Variants in MATN3 observed in about 807,000 individuals in gnomAD.
MATN3 encodes the protein matrilin 3.
Under a neutral mutation model 45.3 loss-of-function variants are expected in MATN3, and 48 were observed. The observed-to-expected ratio is 1.06, with a 90% CI of 0.84 to 1.35. The LOEUF (loss-of-function observed/expected upper bound fraction) is 1.35, where lower values mean the gene tolerates loss of function less well. Ranked by LOEUF, MATN3 falls within the 40% of genes most tolerant of loss-of-function variation. The pLI, the probability that MATN3 is intolerant of heterozygous loss-of-function variation, is 0.00. For synonymous variants in MATN3, 217 were observed against 245.9 expected, an observed-to-expected ratio of 0.88 and a Z score of 1.10; for missense variants, 599 against 628.0, an observed-to-expected ratio of 0.95 and a Z score of 0.49.
rs1347133575 is a variant in MATN3 at position 19,995,352 on chromosome 2, C to T, written c.1295-943G>A. Reference sequence around the variant, plus strand: ...CCTGTAATCCCAGCTACTCGGGAGACTGAGGCAGGAGGATTGCTTGAACCC... The same window carrying T: ...CCTGTAATCCCAGCTACTCGGGAGATTGAGGCAGGAGGATTGCTTGAACCC... On this transcript the variant is annotated intron_variant, in intron 6 of 7. Transcript: ENST00000407540. The surrounding 1 kb of genome is among the most constrained non-coding windows in gnomAD (Gnocchi z 4.2). Among the ~76,000 whole-genome samples the T allele has an allele frequency of 6.6e-6, 1 of 152,064 alleles. No individual in the cohort carries two copies. Among genetic ancestry groups the T allele is most frequent in the Non-Finnish European group, 1.5e-5 (1 of 68,004 alleles).
chr2:20,001,933 TAA>T lies in MATN3; in HGVS notation c.1042+20_1042+21del. The T allele has an allele frequency of 6.2e-7, 1 of 1,610,814 alleles. No individual in the cohort carries two copies. Among genetic ancestry groups the T allele is most frequent in the Non-Finnish European group, 8.5e-7 (1 of 1,178,052 alleles). On this transcript the variant is annotated intron_variant, in intron 4 of 7. Coordinates refer to ENST00000407540, the MANE Select transcript of MATN3 (RefSeq NM_002381.5). ...TAGGCAGAGAGCTAAGTAGCAATAG[TAA>T]AGACTCCTCCCTCACTTACCTGAAC...
In MATN3 at chr2:20,001,977, A is replaced by G. The variant is rs745606215; in HGVS notation, c.1020T>C (p.Asn340=). Residue 340 remains asparagine (N), a synonymous_variant, in exon 4 of 8, where the codon AAT becomes AAC. Transcript: ENST00000407540. ...TACCTGAACAAGTTTTCCTGTCTTC[A>G]TTCAAGGTATAACCTTCATAGCACT... ...HCECYEGYTL[N]EDRKTCSAQD... The G allele has an allele frequency of 5.0e-6, 8 of 1,613,644 alleles. No individual in the cohort carries two copies. The highest frequency in any genetic ancestry group is 1.7e-5 in the Admixed American group (1 of 59,996).
chr2:19,993,248 A>T, intron 7 of MATN3, 82 bp from the exon 8 acceptor site: 1 of 1,038,868 alleles, frequency 9.6e-7, no homozygotes. Flanking sequence ...CACAAGATAA[A>T]ATAATTATGT....
chr2:20,002,409 C>T (rs1264159421), intron 3 of MATN3, among the ~76,000 whole-genome samples: 1 of 152,166 alleles, frequency 6.6e-6, no homozygotes, highest in Non-Finnish European at 1.5e-5. Flanking sequence ...ATTCCCATTC[C>T]TCATTGACTC....
At chr2:20,003,072 C>G in intron 3 of MATN3, 89 bp downstream of exon 3, 1 of 1,499,100 alleles carries the variant, frequency 6.7e-7, no homozygotes, top group South Asian at 1.3e-5. Flanking sequence ...AAAAAGGGGT[C>G]AGAGAGTCAA....
At position 20,003,239 on chromosome 2, in the gene MATN3, T is replaced by C. The variant is rs527437250; in HGVS notation, c.838A>G (p.Ile280Val). The change falls in exon 3 of 8, where the codon ATC becomes GTC. Residue 280 changes from isoleucine to valine, a missense_variant. Coordinates refer to ENST00000407540, the MANE Select transcript of MATN3 (RefSeq NM_002381.5). ...LGTHQCQHVC[I>V]SDGEGKHHCE... Reference sequence around the variant, plus strand: ...TGGTGCTTGCCTTCCCCATCACTGATGCAGACGTGCTGGCACTGGTGTGTT... The same window carrying C: ...TGGTGCTTGCCTTCCCCATCACTGACGCAGACGTGCTGGCACTGGTGTGTT... The C allele has an allele frequency of 1.2e-6, 2 of 1,613,990 alleles. No homozygotes were observed. The highest frequency in any genetic ancestry group is 8.5e-7 in the Non-Finnish European group (1 of 1,179,866).
chr2:20,005,041 C>T (rs1165738939), intron 2 of MATN3, among the ~76,000 whole-genome samples: 3 of 152,192 alleles, frequency 2.0e-5, no homozygotes, highest in Admixed American at 6.5e-5. Context: ...ATAAAATTAG[C>T]ATGTCCTTAT....
intron 3 of MATN3, 73 bp from the exon 4 acceptor site, chr2:20,002,153 TAC>T: frequency 1.2e-6 from 1 of 835,690 alleles, no homozygotes; most frequent in East Asian, 4.4e-5. Context: ...CCACGCCACT[TAC>T]AGTTATACAC....
At chr2:19,997,409 C>G in intron 5 of MATN3, 150 bp from the exon 6 acceptor site, 1 of 710,504 alleles carries the variant, frequency 1.4e-6, no homozygotes, top group Non-Finnish European at 2.3e-6. Flanking sequence ...GCTGCAGGAG[C>G]AAGCCTGTTT....
intron 5 of MATN3, among the ~76,000 whole-genome samples, chr2:19,999,626 T>TAAAAA (rs56100312): frequency 1.7e-5 from 2 of 120,194 alleles, no homozygotes; most frequent in African/African-American, 3.2e-5. Flanking sequence ...GGTTTCCCTT[T>TAAAAA]AAAAAAAAAA....
At position 20,002,051 on chromosome 2, in the gene MATN3, C is replaced by T. The variant is rs368983587; in HGVS notation, c.946G>A (p.Gly316Arg). The stretch of plus-strand genomic sequence containing the variant: ...TCATTCACACAGATGTGCTCACATC[C>T]GTGGGTGTTAAGAGCACACCTATCA... Reference protein sequence around the residue: ...ALDRCALNTHGCEHICVNDRS... With the variant: ...ALDRCALNTHRCEHICVNDRS... The change falls in exon 4 of 8, where the codon GGA becomes AGA. Residue 316 changes from glycine (G) to arginine (R), a missense_variant. Transcript: ENST00000407540. 28 of 1,612,320 alleles carry T rather than the reference C, an allele frequency of 1.7e-5. No individual in the cohort carries two copies. Among genetic ancestry groups the T allele is most frequent in the Admixed American group, 5.0e-5 (3 of 59,922 alleles).
In MATN3 at chr2:19,992,881, T is replaced by C. The variant is rs1270564381; in HGVS notation, c.*230A>G. On this transcript the variant is annotated 3_prime_UTR_variant, in exon 8 of 8. Transcript: ENST00000407540. ...TACCAATCATTTCACAGTCATAACTTAGAGACACTAAAGTTTGCTCTTAAT... is the reference window on the plus strand; with the variant it reads ...TACCAATCATTTCACAGTCATAACTCAGAGACACTAAAGTTTGCTCTTAAT... The C allele has an allele frequency of 2.0e-6, 1 of 510,766 alleles. No individual in the cohort carries two copies. The highest frequency in any genetic ancestry group is 3.4e-6 in the Non-Finnish European group (1 of 293,178). 31.6% of individuals were successfully genotyped at this position (510,766 alleles called of 1,614,324 possible).
chr2:20,001,014 A>T (rs1340856359), intron 4 of MATN3, among the ~76,000 whole-genome samples: 2 of 152,228 alleles, frequency 1.3e-5, no homozygotes, highest in Admixed American at 6.5e-5. Flanking sequence ...GATTCAGAGC[A>T]GCATAAAAAC....
intron 6 of MATN3, 45 bp from the exon 7 acceptor site, chr2:19,994,454 A>G (rs1489445452): frequency 9.3e-7 from 1 of 1,072,162 alleles, no homozygotes; most frequent in Non-Finnish European, 1.4e-6. Flanking sequence ...AGGAATAGCT[A>G]TATAGGAATC....
chr2:19,993,176 T>A lies in MATN3; in HGVS notation c.1406-10A>T, dbSNP rs2103477607. ...TCCAAAATGTCATCAAGTGGCAAGTTGTTAAGGCCAACACCATTTATTTTT... is the reference window on the plus strand; with the variant it reads ...TCCAAAATGTCATCAAGTGGCAAGTAGTTAAGGCCAACACCATTTATTTTT... On this transcript the variant is annotated splice_polypyrimidine_tract_variant and intron_variant, in intron 7 of 7. Coordinates refer to ENST00000407540, the MANE Select transcript of MATN3 (RefSeq NM_002381.5). 1 of 1,599,064 alleles carries A rather than the reference T, an allele frequency of 6.3e-7. No homozygotes were observed. Among genetic ancestry groups the A allele is most frequent in the East Asian group, 2.2e-5 (1 of 44,742 alleles).
Position 20,005,827 on chromosome 2 carries a change from T to C in MATN3, c.707A>G (p.Glu236Gly). ...GTAGAAAACATGCTCCTCTAGGGGC[T>C]CACTGGCCATCATCTTGAGGGACGC... ...DMASLKMMAS[E>G]PLEEHVFYVE... is the part of the protein sequence containing the mutation. Residue 236 changes from glutamate (E) to glycine (G), a missense_variant, in exon 2 of 8, where the codon GAG (glutamate) becomes GGG (glycine). Glu to Gly is a moderately conservative substitution (Grantham distance 98). Transcript: ENST00000407540. 1 of 1,610,538 alleles carries C rather than the reference T, an allele frequency of 6.2e-7. No homozygotes were observed. Among genetic ancestry groups the C allele is most frequent in the Non-Finnish European group, 8.5e-7 (1 of 1,178,296 alleles).
At chr2:20,002,546 A>G (rs1673006430) in intron 3 of MATN3, among the ~76,000 whole-genome samples, 1 of 152,154 alleles carries the variant, frequency 6.6e-6, no homozygotes, top group Admixed American at 6.5e-5. Flanking sequence ...AAATCCAGGA[A>G]AATTTTCAAA....
intron 1 of MATN3, among the ~76,000 whole-genome samples, chr2:20,009,364 C>A (rs1189132208): frequency 2.6e-5 from 4 of 151,658 alleles, no homozygotes; most frequent in African/African-American, 9.7e-5. Flanking sequence ...TCATTCTCAG[C>A]AAACTGACAC....
intron 2 of MATN3, 57 bp from the exon 3 acceptor site, chr2:20,003,343 C>T (rs2103482762): frequency 2.7e-6 from 4 of 1,505,866 alleles, no homozygotes; most frequent in African/African-American, 2.7e-5. Context: ...TCTCAGATAC[C>T]GTCTCCCATG....
Sources: allele counts gnomAD v4.1 joint callset (sites outside exome capture counted in the v4.1 genomes callset), GRCh38; gene constraint gnomAD v4.1.1; non-coding constraint Gnocchi (gnomAD v3.1); transcripts MANE v1.5; gene names NCBI Gene and HGNC (gene_info 2026-07-23, HGNC 2026-07-21).